The following KIF16B variants were observed in gnomAD, a reference collection of about 807,000 sequenced individuals.
The protein encoded by KIF16B is kinesin-like protein KIF16B.
A neutral mutation model predicts 156.3 loss-of-function variants in KIF16B; 98 were observed. The observed-to-expected ratio is 0.63, with a 90% CI of 0.53 to 0.74. The LOEUF is 0.74. KIF16B is among the 30% of genes least tolerant of loss of function. The pLI, the probability that KIF16B is intolerant of heterozygous loss-of-function variation, is 0.00. For missense variants in KIF16B, 1,421 were observed against 1,606.5 expected (o/e 0.88, Z 1.97); for synonymous variants, 564 against 583.7 (o/e 0.97, Z 0.49).
At chr20:16,321,593 T>A (rs1018241422) in intron 24 of KIF16B, among the ~76,000 whole-genome samples, 3 of 152,120 alleles carry the variant, frequency 2.0e-5, no homozygotes, top group South Asian at 2.1e-4. Flanking sequence ...ACACTTTAGA[T>A]ACCATGGAGA....
intron 12 of KIF16B, among the ~76,000 whole-genome samples, chr20:16,445,414 A>G (rs1021216513): frequency 1.9e-5 from 2 of 106,474 alleles, no homozygotes; most frequent in Admixed American, 1.0e-4. Flanking sequence ...TCAGACATGT[A>G]TATACGTGTG....
At chr20:16,315,477 A>G (rs1321866642) in intron 24 of KIF16B, among the ~76,000 whole-genome samples, 2 of 152,178 alleles carry the variant, frequency 1.3e-5, no homozygotes, top group Non-Finnish European at 2.9e-5. Context: ...CAGTGCATGA[A>G]AGATACTGTT....
intron 12 of KIF16B, among the ~76,000 whole-genome samples, chr20:16,481,030 A>G (rs982863162): frequency 3.3e-5 from 5 of 152,174 alleles, no homozygotes; most frequent in Non-Finnish European, 1.5e-5. Flanking sequence ...GATCTTCCAC[A>G]TGCTTTAGGG....
intron 6 of KIF16B, among the ~76,000 whole-genome samples, chr20:16,508,480 GAAA>G (rs1568619945): frequency 6.6e-6 from 1 of 152,190 alleles, no homozygotes; most frequent in Non-Finnish European, 1.5e-5. Context: ...GATTCGGGAT[GAAA>G]TTGTTCCACA....
At chr20:16,413,167 G>A (rs1005381311) in intron 15 of KIF16B, among the ~76,000 whole-genome samples, 10 of 152,056 alleles carry the variant, frequency 6.6e-5, no homozygotes, top group African/African-American at 2.4e-4. Flanking sequence ...AATTTTGCAA[G>A]CATTTCTAAA....
intron 15 of KIF16B, among the ~76,000 whole-genome samples, chr20:16,412,070 G>A (rs531690351): frequency 3.6e-4 from 54 of 151,648 alleles, no homozygotes; most frequent in Non-Finnish European, 6.6e-4. Flanking sequence ...GCACCTGAAG[G>A]AATGCTGACT....
intron 1 of KIF16B, among the ~76,000 whole-genome samples, chr20:16,531,294 T>C (rs1322406775): frequency 2.6e-5 from 4 of 152,238 alleles, no homozygotes; most frequent in Non-Finnish European, 5.9e-5. Flanking sequence ...AGCATTTATC[T>C]TGCATTTCCA....
intron 24 of KIF16B, among the ~76,000 whole-genome samples, chr20:16,315,270 G>A (rs2063680738): frequency 6.6e-6 from 1 of 152,148 alleles, no homozygotes; most frequent in Non-Finnish European, 1.5e-5. Flanking sequence ...CTGTTGTTCA[G>A]ATTTTAGGAG....
chr20:16,442,990 C>T (rs2146540422), intron 12 of KIF16B, among the ~76,000 whole-genome samples: 1 of 152,246 alleles, frequency 6.6e-6, no homozygotes, highest in Admixed American at 6.5e-5. Context: ...CTTGCTTCTC[C>T]TAGGATATGG....
At chr20:16,521,613 A>G (rs2069354987) in intron 3 of KIF16B, among the ~76,000 whole-genome samples, 1 of 152,198 alleles carries the variant, frequency 6.6e-6, no homozygotes. Context: ...ATTATCCAGG[A>G]GAACTTCCCC....
chr20:16,393,259 T>A (rs533967236), intron 17 of KIF16B, among the ~76,000 whole-genome samples: 10 of 152,366 alleles, frequency 6.6e-5, no homozygotes, highest in African/African-American at 2.4e-4. Context: ...TTTATTCATT[T>A]CTGAATGTGT....
chr20:16,355,248 C>T (rs910549446), intron 23 of KIF16B, among the ~76,000 whole-genome samples: 1 of 152,140 alleles, frequency 6.6e-6, no homozygotes, highest in Non-Finnish European at 1.5e-5. Flanking sequence ...CCTCCCTCCC[C>T]ACTCTGTGTG....
intron 11 of KIF16B, among the ~76,000 whole-genome samples, chr20:16,496,164 T>C (rs904390027): frequency 6.6e-6 from 1 of 152,198 alleles, no homozygotes; most frequent in Non-Finnish European, 1.5e-5. Context: ...AGAAGGAATA[T>C]TCTTATGCCT....
chr20:16,328,214 T>C (rs1476002166), intron 24 of KIF16B, among the ~76,000 whole-genome samples: 2 of 152,030 alleles, frequency 1.3e-5, no homozygotes, highest in Admixed American at 6.6e-5. Context: ...GAGTGAACAA[T>C]TGCTCTAACA....
At chr20:16,410,969 T>C (rs370683118) in intron 15 of KIF16B, among the ~76,000 whole-genome samples, 2 of 152,006 alleles carry the variant, frequency 1.3e-5, no homozygotes, top group Non-Finnish European at 2.9e-5. Flanking sequence ...AAAACGGTGA[T>C]GTTTCATCAG....
intron 17 of KIF16B, among the ~76,000 whole-genome samples, chr20:16,382,507 T>C (rs1600252668): frequency 1.3e-5 from 2 of 152,348 alleles, no homozygotes; most frequent in Non-Finnish European, 2.9e-5. Context: ...TTATACAGTA[T>C]AGGAGTTATG....
intron 19 of KIF16B, among the ~76,000 whole-genome samples, chr20:16,376,501 C>G (rs1337562248): frequency 6.6e-6 from 1 of 152,158 alleles, no homozygotes; most frequent in Non-Finnish European, 1.5e-5. Context: ...CGTGAGAACC[C>G]TGGGAGAAAA....
intron 1 of KIF16B, among the ~76,000 whole-genome samples, chr20:16,555,394 C>G (rs182332567): frequency 1.1e-3 from 163 of 152,298 alleles, no homozygotes; most frequent in Admixed American, 3.0e-3. Flanking sequence ...TGAGAACCTA[C>G]CCTTCCACAT....
intron 12 of KIF16B, among the ~76,000 whole-genome samples, chr20:16,439,854 C>T (rs1252722088): frequency 6.6e-6 from 1 of 152,094 alleles, no homozygotes; most frequent in Non-Finnish European, 1.5e-5. Flanking sequence ...ATGAGAACAG[C>T]ACAGGAAAGA....
Sources: allele counts gnomAD v4.1 joint callset (sites outside exome capture counted in the v4.1 genomes callset), GRCh38; gene constraint gnomAD v4.1.1; transcripts MANE v1.5; gene names NCBI Gene and HGNC (gene_info 2026-07-23, HGNC 2026-07-21).